TNRC6A: variants seen among roughly 807,000 people sequenced by gnomAD.
The protein encoded by TNRC6A is trinucleotide repeat containing adaptor 6A, also known as trinucleotide repeat-containing gene 6A protein.
In TNRC6A, 44 loss-of-function variants were observed where a neutral mutation model predicts 221.2. The ratio of observed to expected loss-of-function variants is 0.20; its 90% confidence interval spans 0.16 to 0.26. TNRC6A has a LOEUF of 0.26. Ranked by LOEUF, TNRC6A falls within the 10% of genes least tolerant of loss-of-function variation. The pLI is 1.00. For synonymous variants in TNRC6A, 847 were observed against 838.5 expected, an observed-to-expected ratio of 1.01 and a Z score of -0.18; for missense variants, 2,199 against 2,404.4, an observed-to-expected ratio of 0.91 and a Z score of 1.79.
At chr16:24,754,788 G>C (rs916469193) in intron 3 of TNRC6A, among the ~76,000 whole-genome samples, 2 of 152,088 alleles carry the variant, frequency 1.3e-5, no homozygotes, top group African/African-American at 4.8e-5. Flanking sequence ...AAGGCCGAGG[G>C]GAAGCAACAA....
chr16:24,657,317 C>CAAA (rs56241898), intron 2 of TNRC6A, among the ~76,000 whole-genome samples: 81 of 88,134 alleles, frequency 9.2e-4, no homozygotes, highest in African/African-American at 1.2e-3. Context: ...GACCCTATCT[C>CAAA]AAAAAAAAAA....
rs555334776 is a variant in TNRC6A at position 24,743,907 on chromosome 16, G to C, written c.54-6819G>C. On this transcript the variant is annotated intron_variant, in intron 2 of 24. Transcript: ENST00000395799. ...ATAGCAGATCTACAGATCTTACTCA[G>C]ATTTTGCCAGTTGTCTCAATAATTC... Among the ~76,000 whole-genome samples the C allele has an allele frequency of 1.1e-3, 168 of 152,314 alleles. 2 individuals carry two copies. Among genetic ancestry groups the C allele is most frequent in the African/African-American group, 3.9e-3 (161 of 41,580 alleles).
chr16:24,786,479 C>T (rs991519325), intron 5 of TNRC6A, among the ~76,000 whole-genome samples: 1 of 151,864 alleles, frequency 6.6e-6, no homozygotes, highest in African/African-American at 2.4e-5. Context: ...CCCACCACCA[C>T]GCCCAGCTAA....
chr16:24,669,542 A>G (rs1045288613), intron 2 of TNRC6A, among the ~76,000 whole-genome samples: 12 of 151,816 alleles, frequency 7.9e-5, no homozygotes, highest in African/African-American at 2.9e-4. Context: ...TTGTTGAGTC[A>G]TGCCTTTGTT....
At chr16:24,715,948 T>G (rs887824724) in intron 2 of TNRC6A, among the ~76,000 whole-genome samples, 1 of 152,088 alleles carries the variant, frequency 6.6e-6, no homozygotes, top group Non-Finnish European at 1.5e-5. Context: ...ATGGCATGCA[T>G]GTACTACACA....
chr16:24,765,333 T>C (rs2057449858), intron 4 of TNRC6A, among the ~76,000 whole-genome samples: 1 of 152,130 alleles, frequency 6.6e-6, no homozygotes, highest in African/African-American at 2.4e-5. Context: ...GCAGGGCCAT[T>C]AGGGTAAACA....
chr16:24,812,282 A>C (rs1377280903), intron 18 of TNRC6A, among the ~76,000 whole-genome samples: 1 of 151,308 alleles, frequency 6.6e-6, no homozygotes, highest in South Asian at 2.1e-4. Context: ...GTTCTCCTGA[A>C]CTCAGGTGAT....
intron 2 of TNRC6A, among the ~76,000 whole-genome samples, chr16:24,748,717 G>T (rs912931192): frequency 1.1e-4 from 17 of 151,996 alleles, no homozygotes; most frequent in African/African-American, 3.9e-4. Flanking sequence ...TCTCATTGCA[G>T]CGCACCTATA....
At chr16:24,796,024 C>T (rs773675968) in intron 9 of TNRC6A, 85 bp downstream of exon 9, 3 of 1,465,836 alleles carry the variant, frequency 2.0e-6, no homozygotes, top group African/African-American at 1.4e-5. Flanking sequence ...TTAGCCTCTG[C>T]TGTGTGCCAG....
At position 24,730,179 on chromosome 16, in the gene TNRC6A, G is replaced by C; in HGVS notation, c.6-74G>C. The C allele has an allele frequency of 2.9e-6, 4 of 1,361,424 alleles. No individual in the cohort carries two copies. The African/African-American group carries it at 4.5e-5, about 15-fold the overall frequency. 84.3% of individuals were successfully genotyped at this position (1,361,424 alleles called of 1,614,324 possible). Reference sequence around the variant, plus strand: ...CCCGGCGCGAGCCTCTGCCGCAGCAGCTCCGTTTTCACGCGCATCTCGTTT... The same window carrying C: ...CCCGGCGCGAGCCTCTGCCGCAGCACCTCCGTTTTCACGCGCATCTCGTTT... On this transcript the variant is annotated intron_variant, in intron 1 of 24. Coordinates refer to ENST00000395799, the MANE Select transcript of TNRC6A (RefSeq NM_014494.4).
rs557062605 is a variant in TNRC6A, at chr16:24,751,478, TAAA to T, written c.141+670_141+672del. 9.2e-5 allele frequency among the ~76,000 whole-genome samples: 14 copies of T among 152,236 alleles called. 1 individual carries two copies. The highest frequency in any genetic ancestry group is 2.6e-4 in the African/African-American group (11 of 41,552). On this transcript the variant is annotated intron_variant, in intron 3 of 24. Transcript: ENST00000395799. ...AACTATAATTCAATGCAAAGTAAGT[TAAA>T]AAAATCTGTAATTATTAAAAATTTT...
At chr16:24,735,384 GA>G (rs934714787) in intron 2 of TNRC6A, among the ~76,000 whole-genome samples, 137 of 151,982 alleles carry the variant, frequency 9.0e-4, no homozygotes, top group Middle Eastern at 3.4e-3. Flanking sequence ...ACCTTTGTCT[GA>G]AAAAAAAGAA....
intron 2 of TNRC6A, among the ~76,000 whole-genome samples, chr16:24,688,149 C>T (rs924549895): frequency 1.2e-3 from 189 of 151,572 alleles, no homozygotes; most frequent in African/African-American, 4.2e-3. Context: ...CCATGTTAGC[C>T]GGGATGGTCT....
chr16:24,821,418 G>A (rs1268748805), intron 22 of TNRC6A, among the ~76,000 whole-genome samples: 2 of 152,218 alleles, frequency 1.3e-5, no homozygotes, highest in Non-Finnish European at 2.9e-5. Flanking sequence ...AAAGCACAAA[G>A]GCTCCCGTTG....
intron 2 of TNRC6A, among the ~76,000 whole-genome samples, chr16:24,719,543 C>T (rs1433389713): frequency 1.3e-5 from 2 of 152,048 alleles, no homozygotes; most frequent in South Asian, 4.2e-4. Flanking sequence ...CCCTGTAATG[C>T]CAGCTACTCA....
At chr16:24,769,697 T>C (rs530696951) in intron 4 of TNRC6A, among the ~76,000 whole-genome samples, 2 of 152,298 alleles carry the variant, frequency 1.3e-5, no homozygotes, top group Non-Finnish European at 2.9e-5. Flanking sequence ...TTAAAACTAT[T>C]GATGCATTCA....
At chr16:24,654,557 A>T (rs1453593555) in intron 2 of TNRC6A, among the ~76,000 whole-genome samples, 2 of 151,994 alleles carry the variant, frequency 1.3e-5, no homozygotes, top group Non-Finnish European at 2.9e-5. Context: ...AAATACAAAA[A>T]TTCGCCAAGC....
chr16:24,686,114 T>A lies in TNRC6A; in HGVS notation n.402+45105T>A, dbSNP rs117488064. ...GTGGGGGTTAAGTCCAACCAGAACG[T>A]GTTTATTTTCCCCTGTGTCTGGAAG... On this transcript the variant is annotated intron_variant and non_coding_transcript_variant, in intron 2 of 2. Transcript: ENST00000566108. 9.1e-3 allele frequency among the ~76,000 whole-genome samples: 1,382 copies of A among 152,154 alleles called. 10 individuals are homozygous for A. Among genetic ancestry groups the A allele is most frequent in the Non-Finnish European group, 0.014 (970 of 68,000 alleles).
At position 24,777,084 on chromosome 16, in the gene TNRC6A, G is replaced by GCAGCAGCAGCCA. The variant is rs748755205; in HGVS notation, c.332_343dup (p.Gln111_Gln114dup). ...AGCAGCAGCAACAGCAGCAGCCGCAGCAGCAGCAGCCACAGCAGCAGCCAC... is the reference window on the plus strand; with the variant it reads ...AGCAGCAGCAACAGCAGCAGCCGCAGCAGCAGCAGCCACAGCAGCAGCCACAGCAGCAGCCAC... On this transcript the variant is annotated inframe_insertion, in exon 5 of 25. Coordinates refer to ENST00000395799, the MANE Select transcript of TNRC6A (RefSeq NM_014494.4). 1.9e-6 allele frequency: 3 copies of GCAGCAGCAGCCA among 1,609,318 alleles called. No individual in the cohort carries two copies. The highest frequency in any genetic ancestry group is 3.4e-5 in the Admixed American group (2 of 59,628).
Sources: gnomAD v4.1 joint callset for allele counts (sites outside exome capture counted in the v4.1 genomes callset) on GRCh38, gnomAD v4.1.1 for gene constraint, MANE v1.5 for transcripts, NCBI Gene and HGNC (gene_info 2026-07-23, HGNC 2026-07-21) for gene names.